The following KCNN3 variants were observed in gnomAD, a reference collection of about 807,000 sequenced individuals.
KCNN3 encodes the protein potassium calcium-activated channel subfamily N member 3, also known as small conductance calcium-activated potassium channel protein 3.
KCNN3 carries 16 observed loss-of-function variants against 62.9 expected under a neutral mutation model. That is an observed-to-expected ratio of 0.25 (90% CI 0.17 to 0.39). The LOEUF (loss-of-function observed/expected upper bound fraction) is 0.39. KCNN3 is among the 10% of genes least tolerant of loss of function. KCNN3 has a pLI of 1.00. For missense variants in KCNN3, 599 were observed against 949.4 expected (o/e 0.63, Z 4.85); for synonymous variants, 370 against 389.2 (o/e 0.95, Z 0.58).
intron 2 of KCNN3, among the ~76,000 whole-genome samples, chr1:154,791,222 C>A: frequency 7.1e-6 from 1 of 140,192 alleles, no homozygotes; most frequent in Non-Finnish European, 1.5e-5. Flanking sequence ...GAGTGAGACT[C>A]CATCTCAAAA....
chr1:154,742,695 G>A (rs1279254881), intron 3 of KCNN3, among the ~76,000 whole-genome samples: 1 of 152,250 alleles, frequency 6.6e-6, no homozygotes, highest in Non-Finnish European at 1.5e-5. Context: ...CTCAGGGCCT[G>A]CTGCTTCTTC....
At chr1:154,833,312 T>C (rs1464874068) in intron 1 of KCNN3, among the ~76,000 whole-genome samples, 1 of 152,156 alleles carries the variant, frequency 6.6e-6, no homozygotes, top group Admixed American at 6.5e-5. Context: ...AAATCACATA[T>C]GGTGAGAAAA....
chr1:154,867,384 C>T (rs1207219761), intron 1 of KCNN3, among the ~76,000 whole-genome samples: 1 of 152,204 alleles, frequency 6.6e-6, no homozygotes, highest in Non-Finnish European at 1.5e-5. Context: ...TTGACTAAGG[C>T]GGCTTCCAGG....
chr1:154,744,676 T>A (rs987078633), intron 3 of KCNN3, among the ~76,000 whole-genome samples: 1 of 152,210 alleles, frequency 6.6e-6, no homozygotes, highest in African/African-American at 2.4e-5. Context: ...AGGTCCCCAA[T>A]ATAATCAACT....
intron 1 of KCNN3, among the ~76,000 whole-genome samples, chr1:154,852,772 T>A (rs1432767083): frequency 6.6e-6 from 1 of 152,222 alleles, no homozygotes; most frequent in Non-Finnish European, 1.5e-5. Context: ...TTCACTATTT[T>A]TAATATGGCT....
intron 2 of KCNN3, among the ~76,000 whole-genome samples, chr1:154,814,047 G>C (rs551940683): frequency 6.6e-6 from 1 of 152,378 alleles, no homozygotes; most frequent in African/African-American, 2.4e-5. Flanking sequence ...AAAGGTGCTG[G>C]GATCGAGGTG....
chr1:154,749,130 G>A (rs1040805197), intron 3 of KCNN3, among the ~76,000 whole-genome samples: 1 of 152,200 alleles, frequency 6.6e-6, no homozygotes, highest in Non-Finnish European at 1.5e-5. Flanking sequence ...GTGTTATAAT[G>A]AGCCATGCTT....
At chr1:154,736,124 A>G (rs1291127534) in intron 3 of KCNN3, among the ~76,000 whole-genome samples, 1 of 152,164 alleles carries the variant, frequency 6.6e-6, no homozygotes, top group Non-Finnish European at 1.5e-5. Flanking sequence ...CCAGCTCCAG[A>G]GTTAAGTAGC....
intron 3 of KCNN3, among the ~76,000 whole-genome samples, chr1:154,746,054 C>T (rs59546361): frequency 3.3e-5 from 5 of 152,224 alleles, no homozygotes; most frequent in East Asian, 1.9e-4. Flanking sequence ...AAACCTTGCA[C>T]GGGACTAGTG....
chr1:154,712,655 G>C (rs1700102147), intron 7 of KCNN3, among the ~76,000 whole-genome samples: 1 of 152,158 alleles, frequency 6.6e-6, no homozygotes, highest in Non-Finnish European at 1.5e-5. Context: ...TGCCAGCCTG[G>C]CCCTGGGCTG....
At chr1:154,858,642 CAA>C (rs2101931237) in intron 1 of KCNN3, among the ~76,000 whole-genome samples, 1 of 151,526 alleles carries the variant, frequency 6.6e-6, no homozygotes, top group South Asian at 2.1e-4. Context: ...ATGGGAGAAA[CAA>C]AAAGAGAGGA....
chr1:154,773,621 A>G (rs1354666461), intron 2 of KCNN3, among the ~76,000 whole-genome samples: 4 of 152,210 alleles, frequency 2.6e-5, no homozygotes, highest in Non-Finnish European at 4.4e-5. Context: ...GCCAGTGTCC[A>G]TTGGAGAATT....
chr1:154,838,727 G>A (rs1158320181), intron 1 of KCNN3, among the ~76,000 whole-genome samples: 2 of 152,214 alleles, frequency 1.3e-5, no homozygotes, highest in South Asian at 2.1e-4. Flanking sequence ...AGGCCTCTTC[G>A]GGAGACAATT....
chr1:154,780,133 C>A (rs904123271), intron 2 of KCNN3, among the ~76,000 whole-genome samples: 6 of 151,906 alleles, frequency 3.9e-5, no homozygotes, highest in African/African-American at 1.5e-4. Context: ...ACTTGCGAGG[C>A]CTCCCCACAT....
At chr1:154,843,313 C>G (rs1651912339) in intron 1 of KCNN3, among the ~76,000 whole-genome samples, 1 of 152,108 alleles carries the variant, frequency 6.6e-6, no homozygotes, top group Non-Finnish European at 1.5e-5. Context: ...AGGTTCTAGA[C>G]AAAAAAGCCA....
intron 3 of KCNN3, among the ~76,000 whole-genome samples, chr1:154,761,747 T>C (rs1173355090): frequency 6.6e-6 from 1 of 152,112 alleles, no homozygotes; most frequent in Admixed American, 6.6e-5. Context: ...AAGACCAGCC[T>C]GGCCAATATG....
intron 2 of KCNN3, among the ~76,000 whole-genome samples, chr1:154,819,318 C>T (rs1047179160): frequency 2.0e-5 from 3 of 152,108 alleles, no homozygotes; most frequent in Middle Eastern, 3.2e-3. Flanking sequence ...AGTCAAGGTA[C>T]GACCAGCTTT....
At chr1:154,793,684 T>C (rs1018523891) in intron 2 of KCNN3, among the ~76,000 whole-genome samples, 3 of 152,032 alleles carry the variant, frequency 2.0e-5, no homozygotes, top group African/African-American at 7.2e-5. Context: ...AAGGCAGAAA[T>C]AGAACACAAA....
At chr1:154,770,719 G>T (rs61811438) in intron 3 of KCNN3, among the ~76,000 whole-genome samples, 46 of 152,160 alleles carry the variant, frequency 3.0e-4, no homozygotes, top group African/African-American at 1.0e-3. Flanking sequence ...GCAGAATCAC[G>T]GTTTCTAACC....
Sources: gnomAD v4.1 joint callset for allele counts (sites outside exome capture counted in the v4.1 genomes callset) on GRCh38, gnomAD v4.1.1 for gene constraint, MANE v1.5 for transcripts, NCBI Gene and HGNC (gene_info 2026-07-23, HGNC 2026-07-21) for gene names.